The following CLSTN2 variants were observed in gnomAD, a reference collection of about 807,000 sequenced individuals.
CLSTN2 encodes calsyntenin-2.
A neutral mutation model predicts 101.2 loss-of-function variants in CLSTN2; 48 were observed. The observed-to-expected ratio is 0.47, with a 90% CI of 0.38 to 0.60. The LOEUF (loss-of-function observed/expected upper bound fraction) is 0.60. Among genes scored for constraint, CLSTN2 ranks in the 20% least tolerant of loss-of-function variants. CLSTN2 has a pLI of 0.00. For synonymous variants in CLSTN2, 481 were observed against 463.6 expected, an observed-to-expected ratio of 1.04 and a Z score of -0.48; for missense variants, 1,160 against 1,238.2, an observed-to-expected ratio of 0.94 and a Z score of 0.95.
At chr3:140,397,775 C>A (rs2088199202) in intron 2 of CLSTN2, among the ~76,000 whole-genome samples, 1 of 152,180 alleles carries the variant, frequency 6.6e-6, no homozygotes, top group Non-Finnish European at 1.5e-5. Context: ...ACATTCAGTC[C>A]ATTGCACGTT....
intron 1 of CLSTN2, among the ~76,000 whole-genome samples, chr3:139,937,574 T>TA (rs59496165): frequency 0.11 from 12,281 of 114,602 alleles, 885 homozygotes; most frequent in East Asian, 0.43. Context: ...CCGTCTCTAC[T>TA]AAAAAAAAAA....
intron 2 of CLSTN2, among the ~76,000 whole-genome samples, chr3:140,239,777 C>A (rs1461591954): frequency 4.0e-5 from 6 of 151,854 alleles, no homozygotes; most frequent in Admixed American, 2.0e-4. Flanking sequence ...TATAGCCAGG[C>A]CAGAGATTGT....
chr3:140,467,448 C>T (rs1377504881), intron 8 of CLSTN2, among the ~76,000 whole-genome samples: 1 of 152,148 alleles, frequency 6.6e-6, no homozygotes, highest in African/African-American at 2.4e-5. Context: ...GGACCAGGCG[C>T]TAATTGTTCA....
intron 2 of CLSTN2, among the ~76,000 whole-genome samples, chr3:140,215,806 A>C (rs2107849367): frequency 6.6e-6 from 1 of 152,342 alleles, no homozygotes; most frequent in African/African-American, 2.4e-5. Context: ...TAATTCATAT[A>C]AAATGCTTAA....
chr3:140,110,047 G>A (rs1490888114), intron 1 of CLSTN2, among the ~76,000 whole-genome samples: 1 of 152,064 alleles, frequency 6.6e-6, no homozygotes, highest in African/African-American at 2.4e-5. Flanking sequence ...TTTATGCCAG[G>A]TTTTGCTAAA....
chr3:140,232,720 T>C (rs1376469706), intron 2 of CLSTN2, among the ~76,000 whole-genome samples: 1 of 152,166 alleles, frequency 6.6e-6, no homozygotes, highest in African/African-American at 2.4e-5. Flanking sequence ...GTATTTAATA[T>C]TGCAATGAAT....
At chr3:140,198,687 T>C (rs1391664857) in intron 2 of CLSTN2, among the ~76,000 whole-genome samples, 1 of 152,194 alleles carries the variant, frequency 6.6e-6, no homozygotes, top group Non-Finnish European at 1.5e-5. Flanking sequence ...ATAGTAAGTA[T>C]TTTAGGCTTT....
At chr3:140,303,793 A>G (rs975450382) in intron 2 of CLSTN2, among the ~76,000 whole-genome samples, 2 of 151,872 alleles carry the variant, frequency 1.3e-5, no homozygotes, top group Admixed American at 6.6e-5. Flanking sequence ...AGAGGCATCA[A>G]CTTGCTCTGG....
At chr3:140,498,458 T>A (rs532225699) in intron 8 of CLSTN2, among the ~76,000 whole-genome samples, 2 of 152,332 alleles carry the variant, frequency 1.3e-5, no homozygotes, top group Non-Finnish European at 2.9e-5. Flanking sequence ...GCCAAGTGGC[T>A]ATGCCCTCAC....
At chr3:140,315,557 C>T (rs568783037) in intron 2 of CLSTN2, among the ~76,000 whole-genome samples, 1 of 152,328 alleles carries the variant, frequency 6.6e-6, no homozygotes, top group African/African-American at 2.4e-5. Flanking sequence ...GCTTTTCTGC[C>T]TTCCACGTGG....
At chr3:140,013,765 A>T (rs2007137746) in intron 1 of CLSTN2, among the ~76,000 whole-genome samples, 1 of 152,166 alleles carries the variant, frequency 6.6e-6, no homozygotes, top group East Asian at 1.9e-4. Flanking sequence ...GAAATGTACT[A>T]GTTGAATATA....
intron 2 of CLSTN2, among the ~76,000 whole-genome samples, chr3:140,183,785 C>T (rs1184136345): frequency 6.6e-6 from 1 of 152,184 alleles, no homozygotes; most frequent in African/African-American, 2.4e-5. Flanking sequence ...ATTTTGCACA[C>T]ACTATATCAT....
chr3:140,474,684 C>G (rs1304971873), intron 8 of CLSTN2, among the ~76,000 whole-genome samples: 2 of 152,158 alleles, frequency 1.3e-5, no homozygotes, highest in African/African-American at 2.4e-5. Context: ...CTGCCTTTCC[C>G]CTAAAGCAGC....
chr3:139,960,852 C>T (rs55754631), intron 1 of CLSTN2, among the ~76,000 whole-genome samples: 1 of 152,134 alleles, frequency 6.6e-6, no homozygotes, highest in South Asian at 2.1e-4. Flanking sequence ...TGCAAAGACT[C>T]TCGTGAAACA....
chr3:140,029,792 G>A (rs1297992493), intron 1 of CLSTN2, among the ~76,000 whole-genome samples: 1 of 152,028 alleles, frequency 6.6e-6, no homozygotes, highest in Non-Finnish European at 1.5e-5. Context: ...CTTCCCCTGC[G>A]ATTCCTCTAG....
At chr3:140,506,347 ATCATT>A (rs1425881223) in intron 8 of CLSTN2, among the ~76,000 whole-genome samples, 1 of 151,820 alleles carries the variant, frequency 6.6e-6, no homozygotes, top group Non-Finnish European at 1.5e-5. Context: ...GTCCTCTGGG[ATCATT>A]TCTTTTTCTC....
chr3:140,117,115 G>A (rs187259263), intron 1 of CLSTN2, among the ~76,000 whole-genome samples: 1 of 152,266 alleles, frequency 6.6e-6, no homozygotes, highest in East Asian at 1.9e-4. Context: ...TCAGCCTGCT[G>A]CTTTCTCATT....
At chr3:140,226,889 C>G (rs1055455367) in intron 2 of CLSTN2, among the ~76,000 whole-genome samples, 2 of 152,118 alleles carry the variant, frequency 1.3e-5, no homozygotes, top group Non-Finnish European at 1.5e-5. Context: ...TTGTGAGACT[C>G]TTTCACTATC....
At chr3:139,961,373 A>G (rs1240305275) in intron 1 of CLSTN2, among the ~76,000 whole-genome samples, 1 of 152,104 alleles carries the variant, frequency 6.6e-6, no homozygotes, top group Non-Finnish European at 1.5e-5. Context: ...GCTTTTTCCT[A>G]GGTATTGTGG....
Sources: allele counts gnomAD v4.1 joint callset (sites outside exome capture counted in the v4.1 genomes callset), GRCh38; gene constraint gnomAD v4.1.1; transcripts MANE v1.5; gene names NCBI Gene and HGNC (gene_info 2026-07-23, HGNC 2026-07-21).